Variants in BRSK2 observed in about 807,000 individuals in gnomAD.
BRSK2 encodes the protein BR serine/threonine kinase 2.
A neutral mutation model predicts 83.3 loss-of-function variants in BRSK2; 19 were observed. The ratio of observed to expected loss-of-function variants is 0.23; its 90% confidence interval spans 0.16 to 0.33. BRSK2 has a LOEUF of 0.33. Ranked by LOEUF, BRSK2 falls within the 10% of genes least tolerant of loss-of-function variation. BRSK2 has a pLI of 1.00. For synonymous variants in BRSK2, 519 were observed against 435.4 expected (o/e 1.19, Z -2.39); for missense variants, 798 against 1,042.3 (o/e 0.77, Z 3.23).
At chr11:1,458,598 C>T (rs548257617) in intron 18 of BRSK2, among the ~76,000 whole-genome samples, 22 of 152,172 alleles carry the variant, frequency 1.4e-4, no homozygotes, top group Non-Finnish European at 1.0e-4. Context: ...GGCTGAGAGC[C>T]CCCAGTGAGC....
In BRSK2 at chr11:1,461,085, C is replaced by T. The variant is rs895382440; in HGVS notation, c.*362C>T. The T allele has an allele frequency of 6.4e-7, 1 of 1,555,908 alleles. No homozygotes were observed. Among genetic ancestry groups the T allele is most frequent in the Non-Finnish European group, 8.8e-7 (1 of 1,140,262 alleles). On this transcript the variant is annotated 3_prime_UTR_variant, in exon 20 of 20. Coordinates refer to ENST00000528841, the MANE Select transcript of BRSK2 (RefSeq NM_001256627.2). ...TGCTGTTGCTGCCGGGCAGTGAGGC[C>T]CAGCCCAGCGCCCCGTCCACCCCGC...
At chr11:1,391,996 TGA>T (rs1266455924) in intron 1 of BRSK2, among the ~76,000 whole-genome samples, 4 of 152,088 alleles carry the variant, frequency 2.6e-5, no homozygotes, top group Non-Finnish European at 4.4e-5. Context: ...TACAACGTGC[TGA>T]GAGAGATATT....
chr11:1,457,743 C>T (rs11028929), intron 18 of BRSK2, among the ~76,000 whole-genome samples: 60,773 of 151,906 alleles, frequency 0.4, 12,769 homozygotes, highest in African/African-American at 0.5. Context: ...CCAAAGAGGG[C>T]CCCACTGCCC....
At position 1,442,589 on chromosome 11, in the gene BRSK2, G is replaced by A. The variant is rs758616082; in HGVS notation, c.513G>A (p.Leu171=). The A allele has an allele frequency of 1.9e-6, 3 of 1,612,498 alleles. No individual in the cohort carries two copies. Among genetic ancestry groups the A allele is most frequent in the East Asian group, 2.2e-5 (1 of 44,858 alleles). The part of the protein sequence containing the change: ...GMASLQVGDS[L]LETSCGSPHY... ...CGTCCCTGCAGGTTGGCGACAGCCT[G>A]TTGGAGACCAGCTGTGGGTACGTGG... The change falls in exon 5 of 20, where the codon CTG becomes CTA. Residue 171 remains leucine, a synonymous_variant. Transcript: ENST00000528841.
chr11:1,461,545 A>G lies in BRSK2; in HGVS notation c.*822A>G, dbSNP rs1847501520. 1.2e-5 allele frequency: 2 copies of G among 164,814 alleles called. No individual in the cohort carries two copies. Among genetic ancestry groups the G allele is most frequent in the African/African-American group, 4.8e-5 (2 of 41,330 alleles). The allele number at this position is 164,814 out of a possible 1,614,324, so 10.2% of individuals were successfully genotyped here. A position where few individuals can be genotyped will look rare whatever the true frequency, so the allele number is the denominator to read the frequency against. On this transcript the variant is annotated 3_prime_UTR_variant, in exon 20 of 20. Coordinates refer to ENST00000528841, the MANE Select transcript of BRSK2 (RefSeq NM_001256627.2). ...CGCTGGGCTGGGATCAGTGTTATTT[A>G]TTTGCCGTTTTAATTTATGGATTCT...
Position 1,444,989 on chromosome 11 carries a change from C to G in BRSK2, c.799C>G (p.His267Asp). 1 of 1,613,288 alleles carries G rather than the reference C, an allele frequency of 6.2e-7. No individual in the cohort carries two copies. Among genetic ancestry groups the G allele is most frequent in the Admixed American group, 1.7e-5 (1 of 60,028 alleles). Reference sequence around the variant, plus strand: ...CTTGTAGCTAGAGCACATTCAGAAACACATATGGTATATGTAAGTAGCTTT... The same window carrying G: ...CTTGTAGCTAGAGCACATTCAGAAAGACATATGGTATATGTAAGTAGCTTT... ...RRLTLEHIQK[H>D]IWYIGGKNEP... The change falls in exon 9 of 20, where the codon CAC becomes GAC. Residue 267 changes from histidine to aspartate, a missense_variant. Coordinates refer to ENST00000528841, the MANE Select transcript of BRSK2 (RefSeq NM_001256627.2).
At chr11:1,414,757 C>T (rs1291084140) in intron 1 of BRSK2, among the ~76,000 whole-genome samples, 1 of 152,242 alleles carries the variant, frequency 6.6e-6, no homozygotes, top group African/African-American at 2.4e-5. Context: ...CCTCCTCCAT[C>T]CGTGGGAGCG....
chr11:1,435,249 G>A (rs1391488933), intron 1 of BRSK2, among the ~76,000 whole-genome samples: 2 of 116,660 alleles, frequency 1.7e-5, no homozygotes, highest in Admixed American at 8.8e-5. Context: ...GAGGGGTGCC[G>A]GTGGGGGTCT....
intron 4 of BRSK2, 37 bp from the exon 5 acceptor site, chr11:1,442,453 G>A (rs370004925): frequency 4.4e-5 from 69 of 1,553,910 alleles, no homozygotes; most frequent in Non-Finnish European, 5.9e-5. Context: ...TCAAGGCAGA[G>A]ACTGGCCCTG....
intron 1 of BRSK2, among the ~76,000 whole-genome samples, chr11:1,400,099 T>C (rs1420697947): frequency 2.6e-5 from 4 of 152,250 alleles, no homozygotes; most frequent in African/African-American, 9.6e-5. Flanking sequence ...TTCTAGAAAC[T>C]GGCAGGAAGC....
chr11:1,409,330 A>C (rs377714817), intron 1 of BRSK2: 13 of 152,226 alleles, frequency 8.5e-5, no homozygotes, highest in Admixed American at 2.6e-4. Context: ...GTGGGAGTGG[A>C]GCTCCTTCGC....
chr11:1,429,371 G>A (rs1849685077), intron 1 of BRSK2, among the ~76,000 whole-genome samples: 1 of 151,984 alleles, frequency 6.6e-6, no homozygotes, highest in Admixed American at 6.6e-5. Flanking sequence ...GTGGGTGTGT[G>A]CACATGGGTG....
At chr11:1,446,570 T>G (rs1852157119) in intron 12 of BRSK2, among the ~76,000 whole-genome samples, 1 of 151,994 alleles carries the variant, frequency 6.6e-6, no homozygotes, top group African/African-American at 2.4e-5. Flanking sequence ...GGGTGGCAAG[T>G]GTGGTGTGTG....
chr11:1,425,355 C>T (rs2132890560), intron 1 of BRSK2, among the ~76,000 whole-genome samples: 1 of 152,276 alleles, frequency 6.6e-6, no homozygotes, highest in South Asian at 2.1e-4. Context: ...CACGTGGACG[C>T]CCTGCAGGGC....
chr11:1,392,615 G>T (rs1845796129), intron 1 of BRSK2, among the ~76,000 whole-genome samples: 1 of 152,192 alleles, frequency 6.6e-6, no homozygotes, highest in Non-Finnish European at 1.5e-5. Context: ...CTGCTGGACG[G>T]TGGGCCAAAG....
chr11:1,454,565 C>T lies in BRSK2; in HGVS notation c.1625C>T (p.Pro542Leu), dbSNP rs750541969. 2 of 1,613,278 alleles carry T rather than the reference C, an allele frequency of 1.2e-6. No homozygotes were observed. The highest frequency in any genetic ancestry group is 2.2e-5 in the East Asian group (1 of 44,864). Residue 542 changes from proline to leucine, a missense_variant, in exon 16 of 20, where the codon CCT (proline) becomes CTT (leucine). This residue lies in a region of BRSK2 where 455 missense variants were observed against 455.2 expected (regional missense o/e 1.00). Coordinates refer to ENST00000528841, the MANE Select transcript of BRSK2 (RefSeq NM_001256627.2). The surrounding 1 kb of genome is among the most constrained non-coding windows in gnomAD (Gnocchi z 5.2). ...ATCTTCGTGGTCATCAAAGACAAACCTCTGAGCTCCATCAAGGCTGACATC... is the reference window on the plus strand; with the variant it reads ...ATCTTCGTGGTCATCAAAGACAAACTTCTGAGCTCCATCAAGGCTGACATC... ...EQIFVVIKDK[P>L]LSSIKADIVH...
chr11:1,445,930 G>C (rs766529936), intron 12 of BRSK2, 23 bp downstream of exon 12: 5 of 1,589,390 alleles, frequency 3.1e-6, no homozygotes, highest in Non-Finnish European at 8.6e-7. Flanking sequence ...CGAGGCTGCT[G>C]GGCCTCCCTC....
At chr11:1,409,911 G>A (rs376500526) in intron 1 of BRSK2, 47 of 149,756 alleles carry the variant, frequency 3.1e-4, no homozygotes, top group African/African-American at 1.0e-3. Context: ...CACAGAGTCC[G>A]TGTTTGGGGG....
At chr11:1,444,461 C>T (rs977839561) in intron 8 of BRSK2, among the ~76,000 whole-genome samples, 22 of 152,130 alleles carry the variant, frequency 1.4e-4, no homozygotes, top group Admixed American at 1.3e-3. Context: ...TGTGGCTGGC[C>T]GGCCCTCCCA....
Sources: allele counts gnomAD v4.1 joint callset (sites outside exome capture counted in the v4.1 genomes callset), GRCh38; gene constraint gnomAD v4.1.1; regional missense constraint gnomAD v4.1.1; non-coding constraint Gnocchi (gnomAD v3.1); transcripts MANE v1.5; gene names NCBI Gene and HGNC (gene_info 2026-07-23, HGNC 2026-07-21).